Variants in DSCAM observed in about 807,000 individuals in gnomAD.
The protein encoded by DSCAM is DS cell adhesion molecule, also known as cell adhesion molecule DSCAM.
Under a neutral mutation model 217.7 loss-of-function variants are expected in DSCAM, and 47 were observed. The observed-to-expected ratio is 0.22, with a 90% CI of 0.17 to 0.28. The LOEUF (loss-of-function observed/expected upper bound fraction) is 0.28, where lower values mean the gene tolerates loss of function less well. Among genes scored for constraint, DSCAM ranks in the 10% least tolerant of loss-of-function variants. The probability of loss-of-function intolerance (pLI) is 1.00; values close to 1 mark genes in which losing one functional copy is unlikely to be tolerated. For missense variants in DSCAM, 2,080 were observed against 2,618.3 expected (o/e 0.79, Z 4.49); for synonymous variants, 1,056 against 1,015.3 (o/e 1.04, Z -0.76).
At chr21:40,516,906 T>TATATATATACAC (rs1555849637) in intron 3 of DSCAM, among the ~76,000 whole-genome samples, 3 of 145,580 alleles carry the variant, frequency 2.1e-5, no homozygotes, top group Admixed American at 7.0e-5. Context: ...TATATATATA[T>TATATATATACAC]ACACACACAC....
At chr21:40,407,077 A>G (rs560333027) in intron 3 of DSCAM, among the ~76,000 whole-genome samples, 2 of 152,350 alleles carry the variant, frequency 1.3e-5, no homozygotes, top group East Asian at 3.9e-4. Flanking sequence ...TGTACAACAT[A>G]GCAACTATAG....
chr21:40,037,196 T>A (rs1470871850), intron 32 of DSCAM, among the ~76,000 whole-genome samples: 1 of 148,864 alleles, frequency 6.7e-6, no homozygotes, highest in East Asian at 1.9e-4. Flanking sequence ...AAATAAAGGG[T>A]ATTCAAGTAG....
intron 9 of DSCAM, among the ~76,000 whole-genome samples, chr21:40,302,167 T>G (rs714983): frequency 0.14 from 21,857 of 152,140 alleles, 2,543 homozygotes; most frequent in East Asian, 0.36. Flanking sequence ...CAATATAGTT[T>G]GTTTTCCAAT....
At chr21:40,435,484 CT>C (rs1190462762) in intron 3 of DSCAM, among the ~76,000 whole-genome samples, 1 of 150,796 alleles carries the variant, frequency 6.6e-6, no homozygotes, top group Non-Finnish European at 1.5e-5. Context: ...ACATGTACCC[CT>C]GAACCTAAAA....
At chr21:40,548,249 A>G (rs1482661059) in intron 3 of DSCAM, among the ~76,000 whole-genome samples, 1 of 152,246 alleles carries the variant, frequency 6.6e-6, no homozygotes, top group African/African-American at 2.4e-5. Context: ...TTTAAAGACC[A>G]GCTTTTAGCT....
intron 8 of DSCAM, among the ~76,000 whole-genome samples, chr21:40,335,368 T>C (rs1328385020): frequency 6.6e-6 from 1 of 152,196 alleles, no homozygotes; most frequent in African/African-American, 2.4e-5. Context: ...TCAATAGAAT[T>C]ATTTCCTAAA....
intron 1 of DSCAM, among the ~76,000 whole-genome samples, chr21:40,722,552 G>T (rs2090912696): frequency 6.6e-6 from 1 of 151,728 alleles, no homozygotes; most frequent in African/African-American, 2.4e-5. Flanking sequence ...CTTTAATGCA[G>T]GTAAAATTGA....
chr21:40,531,422 C>T (rs2076445929), intron 3 of DSCAM, among the ~76,000 whole-genome samples: 1 of 152,208 alleles, frequency 6.6e-6, no homozygotes, highest in East Asian at 1.9e-4. Context: ...TTCTCCAGCA[C>T]CCAGCACACC....
chr21:40,306,310 T>G (rs2074075900), intron 9 of DSCAM, among the ~76,000 whole-genome samples: 1 of 150,258 alleles, frequency 6.7e-6, no homozygotes, highest in African/African-American at 2.5e-5. Flanking sequence ...GAGACTTTGC[T>G]GAAGTTGCTT....
chr21:40,489,481 T>A lies in DSCAM; in HGVS notation c.509-120236A>T, dbSNP rs539279886. Among the ~76,000 whole-genome samples, 4 of 152,146 alleles carry A rather than the reference T, an allele frequency of 2.6e-5. No homozygotes were observed. In the East Asian group the frequency reaches 7.7e-4, roughly 29 times the overall value. On this transcript the variant is annotated intron_variant, in intron 3 of 32. Coordinates refer to ENST00000400454, the MANE Select transcript of DSCAM (RefSeq NM_001389.5). ...AATTCCTTAAAATAAATATCTTCTA[T>A]ATATAAATAAGGGCCGGGCGCGGTG...
At chr21:40,081,506 C>T (rs2089457364) in intron 24 of DSCAM, among the ~76,000 whole-genome samples, 1 of 152,036 alleles carries the variant, frequency 6.6e-6, no homozygotes, top group African/African-American at 2.4e-5. Context: ...GGTCCCTCCT[C>T]CTTCCTGAGC....
At chr21:40,030,921 G>A (rs574187540) in intron 32 of DSCAM, among the ~76,000 whole-genome samples, 21 of 152,222 alleles carry the variant, frequency 1.4e-4, no homozygotes, top group Admixed American at 1.4e-3. Flanking sequence ...GGGGTCTTCT[G>A]CAGCCACTAC....
At chr21:40,495,137 T>C (rs570321207) in intron 3 of DSCAM, among the ~76,000 whole-genome samples, 1 of 152,324 alleles carries the variant, frequency 6.6e-6, no homozygotes, top group African/African-American at 2.4e-5. Flanking sequence ...GATGGCTTCA[T>C]TGATAAATTC....
rs73371746 is a variant in DSCAM at position 40,315,893 on chromosome 21, G to T, written c.1784-3534C>A. Among the ~76,000 whole-genome samples the T allele has an allele frequency of 4.8e-3, 731 of 152,060 alleles. 5 individuals carry two copies. The highest frequency in any genetic ancestry group is 0.017 in the African/African-American group (698 of 41,364). ...AGGGCTTAGTAAGAAGCCACAATTG[G>T]CAAGCAAAAGGAGGAGGGTGAGAAA... is the stretch of plus-strand genomic sequence containing the variant. On this transcript the variant is annotated intron_variant, in intron 8 of 32. Coordinates refer to ENST00000400454, the MANE Select transcript of DSCAM (RefSeq NM_001389.5).
intron 3 of DSCAM, among the ~76,000 whole-genome samples, chr21:40,535,719 A>C (rs966935005): frequency 2.6e-5 from 4 of 152,232 alleles, no homozygotes; most frequent in African/African-American, 9.6e-5. Context: ...AATGACAGGC[A>C]GATAAATACA....
intron 27 of DSCAM, among the ~76,000 whole-genome samples, chr21:40,071,208 A>G (rs967851084): frequency 3.9e-5 from 6 of 152,326 alleles, no homozygotes. Context: ...CAAAGGATCT[A>G]GAAGTTCAAG....
chr21:40,496,450 C>G (rs2076119239), intron 3 of DSCAM, among the ~76,000 whole-genome samples: 1 of 152,154 alleles, frequency 6.6e-6, no homozygotes, highest in Non-Finnish European at 1.5e-5. Context: ...ATAAATGGTT[C>G]TGGGAAAACA....
intron 4 of DSCAM, among the ~76,000 whole-genome samples, chr21:40,355,010 G>C (rs969364410): frequency 4.6e-5 from 7 of 152,100 alleles, no homozygotes; most frequent in Non-Finnish European, 7.4e-5. Context: ...GTGTAGACCA[G>C]CACAGAGTTA....
chr21:40,077,990 C>T (rs111282047), intron 26 of DSCAM, among the ~76,000 whole-genome samples: 2 of 152,214 alleles, frequency 1.3e-5, no homozygotes, highest in South Asian at 2.1e-4. Context: ...GTCGAGGACT[C>T]GCTCCTTTCA....
Sources: allele counts gnomAD v4.1 joint callset (sites outside exome capture counted in the v4.1 genomes callset), GRCh38; gene constraint gnomAD v4.1.1; transcripts MANE v1.5; gene names NCBI Gene and HGNC (gene_info 2026-07-23, HGNC 2026-07-21).